NUP205: variants seen among roughly 807,000 people sequenced by gnomAD.
NUP205 encodes nucleoporin 205.
NUP205 carries 76 observed loss-of-function variants against 253.8 expected under a neutral mutation model. The ratio of observed to expected loss-of-function variants is 0.30; its 90% CI spans 0.25 to 0.36. NUP205 has a LOEUF of 0.36. NUP205 is among the 10% of genes least tolerant of loss of function. The pLI is 1.00. For synonymous variants in NUP205, 832 were observed against 850.1 expected, an observed-to-expected ratio of 0.98 and a Z score of 0.37; for missense variants, 2,162 against 2,425.5, an observed-to-expected ratio of 0.89 and a Z score of 2.28.
At chr7:135,565,776 A>G (rs1805740577) in intron 1 of NUP205, among the ~76,000 whole-genome samples, 2 of 152,188 alleles carry the variant, frequency 1.3e-5, no homozygotes, top group African/African-American at 4.8e-5. Flanking sequence ...CCACACTAGA[A>G]CACCATTTTC....
intron 32 of NUP205, 111 bp from the exon 33 acceptor site, chr7:135,626,129 C>T (rs1584683368): frequency 7.7e-7 from 1 of 1,303,846 alleles, no homozygotes; most frequent in East Asian, 2.3e-5. Context: ...GCCCAGATTT[C>T]TCTTCAGTGA....
At chr7:135,640,520 G>A (rs748516758) in intron 38 of NUP205, among the ~76,000 whole-genome samples, 1 of 152,030 alleles carries the variant, frequency 6.6e-6, no homozygotes, top group Non-Finnish European at 1.5e-5. Context: ...CTTCCACTCC[G>A]GCCCAGGCAT....
chr7:135,605,134 C>T (rs1198186781), intron 19 of NUP205, among the ~76,000 whole-genome samples: 2 of 152,146 alleles, frequency 1.3e-5, no homozygotes, highest in African/African-American at 2.4e-5. Context: ...CAGCTCACTG[C>T]AGCCTCTGCC....
At chr7:135,567,160 A>C (rs189165271) in intron 1 of NUP205, among the ~76,000 whole-genome samples, 3,766 of 95,352 alleles carry the variant, frequency 0.039, 520 homozygotes, top group South Asian at 0.11. Flanking sequence ...ATATATATAT[A>C]TATATATATA....
At chr7:135,566,173 A>G (rs1287284090) in intron 1 of NUP205, among the ~76,000 whole-genome samples, 1 of 151,260 alleles carries the variant, frequency 6.6e-6, no homozygotes, top group Admixed American at 6.6e-5. Context: ...CAGTGGTGTG[A>G]TCTCGGCTCA....
At chr7:135,602,336 T>G (rs1015412813) in intron 17 of NUP205, among the ~76,000 whole-genome samples, 6 of 152,236 alleles carry the variant, frequency 3.9e-5, no homozygotes, top group African/African-American at 1.4e-4. Context: ...GATCAGAGTT[T>G]CTCAATTTTG....
rs199573645 is a variant in NUP205 at position 135,635,572 on chromosome 7, A to G, written c.5060-9A>G. On this transcript the variant is annotated splice_polypyrimidine_tract_variant and intron_variant, in intron 35 of 42. Coordinates refer to ENST00000285968, the MANE Select transcript of NUP205 (RefSeq NM_015135.3). ...AATAATATGTTTTAAAGCATTCTACATTTTATAGGAATATTAAGTGAACTT... is the reference window on the plus strand; with the variant it reads ...AATAATATGTTTTAAAGCATTCTACGTTTTATAGGAATATTAAGTGAACTT... 3.7e-4 allele frequency: 542 copies of G among 1,475,810 alleles called. 3 individuals carry two copies. Among genetic ancestry groups the G allele is most frequent in the Middle Eastern group, 7.7e-4 (4 of 5,212 alleles). 91.4% of individuals were successfully genotyped at this position (1,475,810 alleles called of 1,614,324 possible).
At chr7:135,631,328 C>G (rs1475908108) in intron 35 of NUP205, among the ~76,000 whole-genome samples, 1 of 152,138 alleles carries the variant, frequency 6.6e-6, no homozygotes. Flanking sequence ...AAGGAATTGC[C>G]AAATTCCAGA....
At position 135,619,888 on chromosome 7, in the gene NUP205, G is replaced by T. The variant is rs1410057008; in HGVS notation, c.4330G>T (p.Ala1444Ser). 6.3e-7 allele frequency: 1 copy of T among 1,578,368 alleles called. No homozygotes were observed. Among genetic ancestry groups the T allele is most frequent in the Non-Finnish European group, 8.7e-7 (1 of 1,151,852 alleles). Residue 1444 changes from alanine to serine, a missense_variant and splice_region_variant, in exon 30 of 43, where the codon GCC becomes TCC. Coordinates refer to ENST00000285968, the MANE Select transcript of NUP205 (RefSeq NM_015135.3). ...RPDEPDTLEA[A>S]KKTMWERLTA... ...TGATGAACCAGACACCTTAGAAGCA[G>T]GTAGAATGAGATCAATTCCTAATCT... is the stretch of plus-strand genomic sequence containing the variant.
chr7:135,578,039 A>G lies in NUP205; in HGVS notation c.877+15A>G. Reference sequence around the variant, plus strand: ...GGAACGAGATGGTATTGAGTTTTATACATTTTCCTACATTAAAAAAATCAG... The same window carrying G: ...GGAACGAGATGGTATTGAGTTTTATGCATTTTCCTACATTAAAAAAATCAG... On this transcript the variant is annotated intron_variant, in intron 6 of 42. Transcript: ENST00000285968. The G allele has an allele frequency of 1.3e-6, 2 of 1,533,664 alleles. No individual in the cohort carries two copies. The highest frequency in any genetic ancestry group is 1.8e-6 in the Non-Finnish European group (2 of 1,110,062).
At chr7:135,583,729 A>T (rs1205854035) in intron 7 of NUP205, among the ~76,000 whole-genome samples, 1 of 152,216 alleles carries the variant, frequency 6.6e-6, no homozygotes, top group Non-Finnish European at 1.5e-5. Context: ...ACTGCACTCC[A>T]GTCTGGGTGA....
At chr7:135,602,704 T>A in intron 17 of NUP205, 101 bp from the exon 18 acceptor site, 1 of 915,694 alleles carries the variant, frequency 1.1e-6, no homozygotes, top group Non-Finnish European at 1.7e-6. Flanking sequence ...AATCTCTAGA[T>A]CTGAAAATCT....
chr7:135,599,892 G>A (rs1793927503), intron 15 of NUP205, among the ~76,000 whole-genome samples: 1 of 152,190 alleles, frequency 6.6e-6, no homozygotes, highest in South Asian at 2.1e-4. Context: ...CAGCGTGTTA[G>A]AGGCAATTGG....
At chr7:135,597,309 C>A in intron 13 of NUP205, 59 bp from the exon 14 acceptor site, 1 of 1,231,366 alleles carries the variant, frequency 8.1e-7, no homozygotes, top group South Asian at 1.2e-5. Context: ...ATTGCAAAGC[C>A]ACTAATATTC....
intron 19 of NUP205, 38 bp from the exon 20 acceptor site, chr7:135,606,107 G>C: frequency 7.6e-7 from 1 of 1,321,586 alleles, no homozygotes; most frequent in African/African-American, 1.4e-5. Flanking sequence ...TTAGAAACCT[G>C]TAATAATTTG....
At position 135,578,600 on chromosome 7, in the gene NUP205, T is replaced by C. The variant is rs1806218240; in HGVS notation, c.878-151T>C. On this transcript the variant is annotated intron_variant, in intron 6 of 42. Transcript: ENST00000285968. ...TTAGTATGTGTACAATCAACAGTAGTGTACCTTTTGGGATGTAGAAATTAA... is the reference window on the plus strand; with the variant it reads ...TTAGTATGTGTACAATCAACAGTAGCGTACCTTTTGGGATGTAGAAATTAA... 8 of 540,624 alleles carry C rather than the reference T, an allele frequency of 1.5e-5. No homozygotes were observed. The Admixed American group carries it at 2.9e-4, about 20-fold the overall frequency. The allele number at this position is 540,624 out of a possible 1,614,324, so 33.5% of individuals were successfully genotyped here. A position where few individuals can be genotyped will look rare whatever the true frequency, so the allele number is the denominator to read the frequency against.
intron 19 of NUP205, among the ~76,000 whole-genome samples, chr7:135,605,182 G>T (rs1028228053): frequency 6.6e-6 from 1 of 152,022 alleles, no homozygotes; most frequent in East Asian, 1.9e-4. Context: ...ATGCCACCAC[G>T]CCCAGCTAGT....
At chr7:135,583,619 G>A (rs1806370039) in intron 7 of NUP205, among the ~76,000 whole-genome samples, 1 of 151,994 alleles carries the variant, frequency 6.6e-6, no homozygotes, top group African/African-American at 2.4e-5. Context: ...AATTAGCCAG[G>A]TGTGTTGGCG....
chr7:135,614,380 G>T, intron 23 of NUP205, 107 bp downstream of exon 23: 2 of 628,960 alleles, frequency 3.2e-6, no homozygotes, highest in Non-Finnish European at 2.7e-6. Context: ...CTGATACTTT[G>T]GCTTCTTTGT....
Sources: gnomAD v4.1 joint callset for allele counts (sites outside exome capture counted in the v4.1 genomes callset) on GRCh38, gnomAD v4.1.1 for gene constraint, MANE v1.5 for transcripts, NCBI Gene and HGNC (gene_info 2026-07-23, HGNC 2026-07-21) for gene names.